Variants in DAPK1 observed in about 807,000 individuals in gnomAD.
DAPK1 encodes the protein death associated protein kinase 1.
Under a neutral mutation model 144.9 loss-of-function variants are expected in DAPK1, and 56 were observed. The ratio of observed to expected loss-of-function variants is 0.39; its 90% CI spans 0.31 to 0.48. DAPK1 has a LOEUF of 0.48. Ranked by LOEUF, DAPK1 falls within the 20% of genes least tolerant of loss-of-function variation. The pLI is 0.95. For missense variants in DAPK1, 1,454 were observed against 1,875.4 expected (o/e 0.78, Z 4.15); for synonymous variants, 690 against 749.0 (o/e 0.92, Z 1.29).
intron 12 of DAPK1, 139 bp downstream of exon 12, chr9:87,646,153 T>C: frequency 9.3e-7 from 1 of 1,072,206 alleles, no homozygotes; most frequent in Non-Finnish European, 1.3e-6. Context: ...TCACTTCTGT[T>C]TAGAAAGTGA....
chr9:87,619,696 G>C (rs1404658425), intron 3 of DAPK1, among the ~76,000 whole-genome samples: 2 of 152,176 alleles, frequency 1.3e-5, no homozygotes, highest in Admixed American at 6.5e-5. Context: ...ATGGGAACGA[G>C]CTCAATAGAA....
chr9:87,648,053 T>C (rs780081875), intron 14 of DAPK1, among the ~76,000 whole-genome samples: 9 of 152,248 alleles, frequency 5.9e-5, no homozygotes, highest in African/African-American at 1.4e-4. Context: ...GCAGACTAAT[T>C]TGACGTTTAG....
At chr9:87,507,268 A>C (rs1178452072) in intron 2 of DAPK1, among the ~76,000 whole-genome samples, 1 of 152,162 alleles carries the variant, frequency 6.6e-6, no homozygotes, top group African/African-American at 2.4e-5. Flanking sequence ...GCTGGAATGC[A>C]ATGGCGCTAT....
At chr9:87,659,887 G>A (rs986264438) in intron 18 of DAPK1, among the ~76,000 whole-genome samples, 6 of 152,230 alleles carry the variant, frequency 3.9e-5, no homozygotes, top group Admixed American at 3.3e-4. Context: ...AGAGGGACAA[G>A]ACAGGCACGC....
chr9:87,637,116 A>T (rs898966872), intron 3 of DAPK1, among the ~76,000 whole-genome samples: 1 of 151,768 alleles, frequency 6.6e-6, no homozygotes, highest in Non-Finnish European at 1.5e-5. Flanking sequence ...TGTTTTTTTG[A>T]GACAGTCTCG....
At chr9:87,661,996 T>A (rs966475967) in intron 18 of DAPK1, among the ~76,000 whole-genome samples, 2 of 152,244 alleles carry the variant, frequency 1.3e-5, no homozygotes, top group African/African-American at 4.8e-5. Flanking sequence ...AGTTGACTTC[T>A]GCAAATGGTG....
chr9:87,600,682 T>G (rs1387335605), intron 2 of DAPK1, among the ~76,000 whole-genome samples: 2 of 152,242 alleles, frequency 1.3e-5, no homozygotes, highest in Admixed American at 6.5e-5. Context: ...TTTATCAAAA[T>G]TAAATGTCAT....
chr9:87,661,128 A>G (rs965506939), intron 18 of DAPK1, among the ~76,000 whole-genome samples: 5 of 152,188 alleles, frequency 3.3e-5, no homozygotes, highest in Admixed American at 6.5e-5. Context: ...GTGAGCCACC[A>G]CGCCCAGGCT....
At chr9:87,571,165 G>A (rs1827315454) in intron 2 of DAPK1, among the ~76,000 whole-genome samples, 1 of 151,886 alleles carries the variant, frequency 6.6e-6, no homozygotes, top group South Asian at 2.1e-4. Context: ...ACACACTAAG[G>A]GAACAGTGAC....
intron 2 of DAPK1, among the ~76,000 whole-genome samples, chr9:87,601,610 T>C (rs140921296): frequency 2.6e-5 from 4 of 151,928 alleles, no homozygotes; most frequent in Admixed American, 6.6e-5. Flanking sequence ...GGGGCAACAG[T>C]GTGCTGATGA....
intron 2 of DAPK1, among the ~76,000 whole-genome samples, chr9:87,536,436 A>G (rs1166635758): frequency 1.3e-5 from 2 of 152,158 alleles, no homozygotes; most frequent in African/African-American, 4.8e-5. Context: ...TAAAGCTCTT[A>G]TCTGTCTGTA....
chr9:87,515,923 C>A (rs972475154), intron 2 of DAPK1, among the ~76,000 whole-genome samples: 2 of 152,158 alleles, frequency 1.3e-5, no homozygotes, highest in Non-Finnish European at 2.9e-5. Flanking sequence ...AGCCTCCCCC[C>A]ATTTCCCTGC....
chr9:87,508,614 TTA>T (rs1335579073), intron 2 of DAPK1, among the ~76,000 whole-genome samples: 1 of 152,184 alleles, frequency 6.6e-6, no homozygotes, highest in Non-Finnish European at 1.5e-5. Flanking sequence ...AGTGCTGGGA[TTA>T]CAGGCGTGAG....
At chr9:87,611,343 G>A (rs563776108) in intron 3 of DAPK1, among the ~76,000 whole-genome samples, 120 of 152,238 alleles carry the variant, frequency 7.9e-4, no homozygotes, top group African/African-American at 2.9e-3. Flanking sequence ...TAGAGACGGG[G>A]TGTCCCTATG....
At chr9:87,670,184 C>G (rs548106449) in intron 19 of DAPK1, among the ~76,000 whole-genome samples, 1 of 152,012 alleles carries the variant, frequency 6.6e-6, no homozygotes, top group Non-Finnish European at 1.5e-5. Flanking sequence ...GCAAAACAAG[C>G]AGGGGCAAGG....
chr9:87,702,133 G>T (rs1024549043), intron 24 of DAPK1, among the ~76,000 whole-genome samples: 2 of 152,148 alleles, frequency 1.3e-5, no homozygotes, highest in African/African-American at 4.8e-5. Flanking sequence ...CAGGCAGGTG[G>T]AGCCCACCAC....
rs36205095 is a variant in DAPK1, at chr9:87,581,952, A to G, written c.63-23002A>G. ...ACATTTTAACTGAAATTTAATTTGA[A>G]TAGGTCCTCACATACAGAGTTTGGT... On this transcript the variant is annotated intron_variant, in intron 2 of 25. Coordinates refer to ENST00000408954, the MANE Select transcript of DAPK1 (RefSeq NM_004938.4). 3.3e-5 allele frequency among the ~76,000 whole-genome samples: 5 copies of G among 152,374 alleles called. No homozygotes were observed. The East Asian group carries it at 9.6e-4, about 29-fold the overall frequency.
chr9:87,662,096 A>G (rs193139548), intron 18 of DAPK1, among the ~76,000 whole-genome samples: 1 of 152,136 alleles, frequency 6.6e-6, no homozygotes, highest in African/African-American at 2.4e-5. Context: ...TTTCCAGTGT[A>G]TGTTCTTATC....
chr9:87,590,604 T>G (rs2118881096), intron 2 of DAPK1, among the ~76,000 whole-genome samples: 1 of 152,286 alleles, frequency 6.6e-6, no homozygotes, highest in Non-Finnish European at 1.5e-5. Flanking sequence ...TTTTTTATTT[T>G]TTGAGACAGG....
Sources: gnomAD v4.1 joint callset for allele counts (sites outside exome capture counted in the v4.1 genomes callset) on GRCh38, gnomAD v4.1.1 for gene constraint, MANE v1.5 for transcripts, NCBI Gene and HGNC (gene_info 2026-07-23, HGNC 2026-07-21) for gene names.